DIXDC1: variants seen among roughly 807,000 people sequenced by gnomAD.
DIXDC1 encodes dixin.
In DIXDC1, 64 loss-of-function variants were observed where a neutral mutation model predicts 103.1. The ratio of observed to expected loss-of-function variants is 0.62; its 90% CI spans 0.51 to 0.76. The LOEUF (loss-of-function observed/expected upper bound fraction) is 0.76. Among genes scored for constraint, DIXDC1 ranks in the 30% least tolerant of loss-of-function variants. DIXDC1 has a pLI of 0.00. For synonymous variants in DIXDC1, 266 were observed against 298.5 expected, an observed-to-expected ratio of 0.89 and a Z score of 1.12; for missense variants, 759 against 834.2, an observed-to-expected ratio of 0.91 and a Z score of 1.11.
At chr11:111,946,724 G>A (rs1160147384) in intron 1 of DIXDC1, 16 of 431,906 alleles carry the variant, frequency 3.7e-5, no homozygotes, top group Non-Finnish European at 7.5e-5. Context: ...GTCACAGCAG[G>A]AACTCATTGA....
At position 111,976,218 on chromosome 11, in the gene DIXDC1, C is replaced by T. The variant is rs782233392; in HGVS notation, c.656+1235C>T. Among the ~76,000 whole-genome samples, 8 of 152,160 alleles carry T rather than the reference C, an allele frequency of 5.3e-5. No homozygotes were observed. Among genetic ancestry groups the T allele is most frequent in the Non-Finnish European group, 2.9e-5 (2 of 68,036 alleles). ...TATTGCTTCCTGCACTTCTGCAGGC[C>T]TTTCACTCTTCTGAGCCTGATAGTG... On this transcript the variant is annotated intron_variant, in intron 5 of 19. Transcript: ENST00000440460. The surrounding 1 kb of genome is among the most constrained non-coding windows in gnomAD (Gnocchi z 4.3).
chr11:112,011,865 A>C (rs1418039526), intron 17 of DIXDC1, among the ~76,000 whole-genome samples: 1 of 152,202 alleles, frequency 6.6e-6, no homozygotes, highest in Non-Finnish European at 1.5e-5. Flanking sequence ...TGACAAGTTG[A>C]TGGGTGCAGC....
chr11:111,981,405 T>A (rs1860303120), intron 6 of DIXDC1, among the ~76,000 whole-genome samples: 1 of 152,216 alleles, frequency 6.6e-6, no homozygotes, highest in Non-Finnish European at 1.5e-5. Flanking sequence ...GTGCAAGACT[T>A]AGAATTGTAT....
intron 1 of DIXDC1, chr11:111,945,631 G>A (rs1243638677): frequency 2.6e-5 from 4 of 152,024 alleles, no homozygotes; most frequent in African/African-American, 7.2e-5. Context: ...ATTGTTATGC[G>A]AAAGAGCTTC....
At position 111,986,874 on chromosome 11, in the gene DIXDC1, A is replaced by G. The variant is rs1555173910; in HGVS notation, c.1012A>G (p.Ile338Val). 1.3e-6 allele frequency: 2 copies of G among 1,569,736 alleles called. No homozygotes were observed. Among genetic ancestry groups the G allele is most frequent in the Non-Finnish European group, 8.6e-7 (1 of 1,156,146 alleles). The change falls in exon 9 of 20, where the codon ATA becomes GTA. Residue 338 changes from isoleucine (I) to valine (V), a missense_variant. This residue lies in a region of DIXDC1 where 657 missense variants were observed against 727.5 expected (regional missense o/e 0.90). Coordinates refer to ENST00000440460, the MANE Select transcript of DIXDC1 (RefSeq NM_001037954.4). The stretch of plus-strand genomic sequence containing the variant: ...TCTCTGTTTGTCTTATATTCAGATT[A>G]TAATCCAAAGTCGTCTGGATCAGAG... The part of the protein sequence containing the change: ...PGVNPEEQLI[I>V]IQSRLDQSME...
rs587660330 is a variant in DIXDC1, at chr11:111,943,653, C to T, written c.60+6094C>T. 1.3e-5 allele frequency among the ~76,000 whole-genome samples: 2 copies of T among 152,074 alleles called. 1 individual carries two copies. Among genetic ancestry groups the T allele is most frequent in the South Asian group, 4.1e-4 (2 of 4,826 alleles). ...TAGCTGGGACTATAGATGCGTGCCA[C>T]CACGCCTGGCTAAATTTTTTGTATT... On this transcript the variant is annotated intron_variant, in intron 1 of 19. Coordinates refer to ENST00000440460, the MANE Select transcript of DIXDC1 (RefSeq NM_001037954.4).
In DIXDC1 at chr11:112,022,295, G is replaced by C. The variant is rs1861783265; in HGVS notation, c.*3259G>C. The C allele has an allele frequency of 1.3e-5, 2 of 152,228 alleles. No individual in the cohort carries two copies. Among genetic ancestry groups the C allele is most frequent in the South Asian group, 4.1e-4 (2 of 4,824 alleles). 9.4% of individuals were successfully genotyped at this position (152,228 alleles called of 1,614,324 possible). A position where few individuals can be genotyped will look rare whatever the true frequency, so the allele number is the denominator to read the frequency against. On this transcript the variant is annotated 3_prime_UTR_variant, in exon 20 of 20. Coordinates refer to ENST00000440460, the MANE Select transcript of DIXDC1 (RefSeq NM_001037954.4). The surrounding 1 kb of genome is among the most constrained non-coding windows in gnomAD (Gnocchi z 4.9). The stretch of plus-strand genomic sequence containing the variant: ...TTTCCATAAAATAAGCATTATGATT[G>C]CACACTCCTTCTACTGTCTGAATTT...
chr11:111,996,048 A>AT, intron 16 of DIXDC1, 32 bp from the exon 17 acceptor site: 1 of 1,608,314 alleles, frequency 6.2e-7, no homozygotes, highest in Admixed American at 1.7e-5. Context: ...CTCATTGATC[A>AT]TAACTCTTGT....
At chr11:111,952,622 A>G (rs1966841246) in intron 1 of DIXDC1, among the ~76,000 whole-genome samples, 1 of 152,118 alleles carries the variant, frequency 6.6e-6, no homozygotes, top group Non-Finnish European at 1.5e-5. Context: ...GGAGTTCGAG[A>G]CCAGCCTGAC....
intron 1 of DIXDC1, chr11:111,929,679 G>C (rs782290435): frequency 6.0e-5 from 31 of 518,904 alleles, no homozygotes; most frequent in Non-Finnish European, 3.0e-5. Flanking sequence ...TGCTAACTAG[G>C]GTCCTATTTC....
At chr11:111,930,186 T>C (rs1430816025) in intron 2 of DIXDC1, among the ~76,000 whole-genome samples, 2 of 152,178 alleles carry the variant, frequency 1.3e-5, no homozygotes, top group Non-Finnish European at 2.9e-5. Flanking sequence ...TAAAGTTTGT[T>C]ATAGCAATAA....
At chr11:111,950,954 A>T (rs1341212233) in intron 1 of DIXDC1, among the ~76,000 whole-genome samples, 1 of 152,246 alleles carries the variant, frequency 6.6e-6, no homozygotes, top group Non-Finnish European at 1.5e-5. Context: ...TCTGTGGAAT[A>T]GCAGTAATTC....
At chr11:111,955,338 T>C (rs1385402840) in intron 1 of DIXDC1, among the ~76,000 whole-genome samples, 1 of 85,214 alleles carries the variant, frequency 1.2e-5, no homozygotes, top group East Asian at 3.0e-4. Context: ...TGAGACCCTG[T>C]CAAAAAAAAA....
chr11:111,986,756 T>C, intron 8 of DIXDC1, 115 bp from the exon 9 acceptor site: 1 of 792,628 alleles, frequency 1.3e-6, no homozygotes, highest in Non-Finnish European at 2.0e-6. Flanking sequence ...TTCCTGTTCT[T>C]TGTATCCACA....
rs1420953059 is a variant in DIXDC1 at position 111,976,616 on chromosome 11, A to G, written c.656+1633A>G. Among the ~76,000 whole-genome samples, 2 of 152,066 alleles carry G rather than the reference A, an allele frequency of 1.3e-5. No individual in the cohort carries two copies. The highest frequency in any genetic ancestry group is 2.9e-5 in the Non-Finnish European group (2 of 68,010). ...CCGCACATTCTGAGCCCTCGCCCCC[A>G]GGGAGCCCACTTAGTGGCTCTGTGA... On this transcript the variant is annotated intron_variant, in intron 5 of 19. Coordinates refer to ENST00000440460, the MANE Select transcript of DIXDC1 (RefSeq NM_001037954.4). The surrounding 1 kb of genome is among the most constrained non-coding windows in gnomAD (Gnocchi z 4.3).
At chr11:111,950,448 T>A (rs1443157354) in intron 1 of DIXDC1, among the ~76,000 whole-genome samples, 214 of 36,270 alleles carry the variant, frequency 5.9e-3, no homozygotes, top group African/African-American at 0.025. Flanking sequence ...ATTTTTTTTT[T>A]TTTTTTTTTT....
intron 1 of DIXDC1, among the ~76,000 whole-genome samples, chr11:111,952,412 A>G (rs781954292): frequency 6.6e-6 from 1 of 152,206 alleles, no homozygotes; most frequent in Non-Finnish European, 1.5e-5. Context: ...CACTAAGGCA[A>G]TGGTTTACAG....
intron 1 of DIXDC1, among the ~76,000 whole-genome samples, chr11:111,948,120 C>T (rs1966657956): frequency 6.6e-6 from 1 of 152,214 alleles, no homozygotes; most frequent in Non-Finnish European, 1.5e-5. Context: ...TCTAGCCTCC[C>T]AGTTCCTGGA....
intron 1 of DIXDC1, among the ~76,000 whole-genome samples, chr11:111,952,908 T>G (rs1966843532): frequency 6.6e-6 from 1 of 151,858 alleles, no homozygotes; most frequent in South Asian, 2.1e-4. Context: ...GAGGATGGAT[T>G]GAACTTGGGA....
Sources: gnomAD v4.1 joint callset for allele counts (sites outside exome capture counted in the v4.1 genomes callset) on GRCh38, gnomAD v4.1.1 for gene constraint, gnomAD v4.1.1 regional missense constraint, Gnocchi (gnomAD v3.1) non-coding constraint, MANE v1.5 for transcripts, NCBI Gene and HGNC (gene_info 2026-07-23, HGNC 2026-07-21) for gene names.